CNKSR3: variants seen among roughly 807,000 people sequenced by gnomAD.
CNKSR3 encodes the protein connector enhancer of kinase suppressor of ras 3.
Under a neutral mutation model 67.7 loss-of-function variants are expected in CNKSR3, and 36 were observed. That is an observed-to-expected ratio of 0.53 (90% confidence interval 0.41 to 0.70). CNKSR3 has a LOEUF of 0.70. Ranked by LOEUF, CNKSR3 falls within the 30% of genes least tolerant of loss-of-function variation. The pLI is 0.00. For synonymous variants in CNKSR3, 281 were observed against 271.4 expected, an observed-to-expected ratio of 1.04 and a Z score of -0.35; for missense variants, 630 against 695.2, an observed-to-expected ratio of 0.91 and a Z score of 1.05.
rs1034836225 is a variant in CNKSR3 at position 154,449,880 on chromosome 6, T to C, written c.216+215A>G. On this transcript the variant is annotated intron_variant, in intron 2 of 12. Transcript: ENST00000607772. ...ATAAAACTTTATTTACAAAAATAGA[T>C]AGTGGGCCAGATTTAACTCGCAGGC... is the stretch of plus-strand genomic sequence containing the variant. Among the ~76,000 whole-genome samples the C allele has an allele frequency of 9.2e-5, 14 of 152,328 alleles. 1 individual carries two copies. Among genetic ancestry groups the C allele is most frequent in the Admixed American group, 2.6e-4 (4 of 15,304 alleles).
In CNKSR3 at chr6:154,406,388, C is replaced by A; in HGVS notation, c.1634G>T (p.Ser545Ile). 6.2e-7 allele frequency: 1 copy of A among 1,613,984 alleles called. No individual in the cohort carries two copies. Among genetic ancestry groups the A allele is most frequent in the Non-Finnish European group, 8.5e-7 (1 of 1,179,996 alleles). Residue 545 changes from serine (S) to isoleucine (I), a missense_variant, in exon 13 of 13, where the codon AGC becomes ATC. By Grantham distance (142) the Ser-to-Ile change is moderately radical. Transcript: ENST00000607772. Reference sequence around the variant, plus strand: ...CAACAGTTTGAGGCGCGTAAACCAGCTGACCAGGAGGGACGGTTCTGTGGA... The same window carrying A: ...CAACAGTTTGAGGCGCGTAAACCAGATGACCAGGAGGGACGGTTCTGTGGA... ...SSSTEPSLLV[S>I]WFTRLKLLTH
At chr6:154,451,032 C>T (rs184339789) in intron 1 of CNKSR3, among the ~76,000 whole-genome samples, 243 of 152,252 alleles carry the variant, frequency 1.6e-3, no homozygotes, top group African/African-American at 5.4e-3. Context: ...TTGTTTGTGT[C>T]GAATCTCTGT....
In CNKSR3 at chr6:154,403,842, A is replaced by G. The variant is rs1248679422; in HGVS notation, c.*2512T>C. On this transcript the variant is annotated 3_prime_UTR_variant, in exon 13 of 13. Coordinates refer to ENST00000607772, the MANE Select transcript of CNKSR3 (RefSeq NM_173515.4). ...GATGGCTGTTCAATTCACAAGTGGC[A>G]TTTTCCCCACAGAAAAAGAGCTCAC... The G allele has an allele frequency of 2.0e-5, 3 of 152,148 alleles. No individual in the cohort carries two copies. Among genetic ancestry groups the G allele is most frequent in the Admixed American group, 1.3e-4 (2 of 15,282 alleles). The allele number at this position is 152,148 out of a possible 1,614,324, so 9.4% of individuals were successfully genotyped here. A position where few individuals can be genotyped will look rare whatever the true frequency, so the allele number is the denominator to read the frequency against.
chr6:154,422,379 G>T, intron 9 of CNKSR3, 127 bp downstream of exon 9: 1 of 845,820 alleles, frequency 1.2e-6, no homozygotes, highest in Non-Finnish European at 1.9e-6. Flanking sequence ...ATAGGCAGGA[G>T]TATAGGATAA....
chr6:154,454,576 T>C (rs1379606981), intron 1 of CNKSR3, among the ~76,000 whole-genome samples: 2 of 152,104 alleles, frequency 1.3e-5, no homozygotes, highest in African/African-American at 2.4e-5. Context: ...CACTGCAGCA[T>C]AGCAGCACGA....
At chr6:154,415,227 C>CCTTTTTTTTTTTTTTTTTTTTTTTT (rs773533317) in intron 9 of CNKSR3, among the ~76,000 whole-genome samples, 1 of 112,766 alleles carries the variant, frequency 8.9e-6, no homozygotes, top group African/African-American at 3.7e-5. Flanking sequence ...ACTAGCTGCC[C>CCTTTTTTTTTTTTTTTTTTTTTTTT]ATTTTTTTTT....
At chr6:154,425,283 T>C (rs1785233977) in intron 7 of CNKSR3, among the ~76,000 whole-genome samples, 1 of 152,238 alleles carries the variant, frequency 6.6e-6, no homozygotes, top group African/African-American at 2.4e-5. Flanking sequence ...TCCCTGTCTC[T>C]AGATGTGTAA....
chr6:154,406,792 A>AC, intron 12 of CNKSR3, 140 bp from the exon 13 acceptor site: 1 of 705,542 alleles, frequency 1.4e-6, no homozygotes. Context: ...ACATGGTGAA[A>AC]CCCCGTCTCT....
rs1215588575 is a variant in CNKSR3 at position 154,398,803 on chromosome 6, G to A, written c.*7551C>T. ...TCAATATTGAAAGAATACTCTAGGCGGGGCGCAGTGGCTCACGCCTGTAAT... is the reference window on the plus strand; with the variant it reads ...TCAATATTGAAAGAATACTCTAGGCAGGGCGCAGTGGCTCACGCCTGTAAT... On this transcript the variant is annotated 3_prime_UTR_variant, in exon 13 of 13. Coordinates refer to ENST00000607772, the MANE Select transcript of CNKSR3 (RefSeq NM_173515.4). The A allele has an allele frequency of 1.3e-5, 2 of 152,158 alleles. No individual in the cohort carries two copies. Among genetic ancestry groups the A allele is most frequent in the East Asian group, 3.9e-4 (2 of 5,174 alleles). The allele number at this position is 152,158 out of a possible 1,614,324, so 9.4% of individuals were successfully genotyped here.
intron 2 of CNKSR3, among the ~76,000 whole-genome samples, chr6:154,447,183 A>G (rs1344528251): frequency 6.6e-6 from 1 of 152,178 alleles, no homozygotes; most frequent in Non-Finnish European, 1.5e-5. Context: ...CCTCTCGACC[A>G]GTACTGGCCA....
intron 1 of CNKSR3, among the ~76,000 whole-genome samples, chr6:154,482,692 T>C (rs1269878521): frequency 6.6e-6 from 1 of 152,170 alleles, no homozygotes; most frequent in Non-Finnish European, 1.5e-5. Flanking sequence ...GACCCCCAAC[T>C]CTGGGAAAGG....
intron 1 of CNKSR3, among the ~76,000 whole-genome samples, chr6:154,482,548 T>A (rs186338362): frequency 1.9e-3 from 291 of 152,306 alleles, no homozygotes; most frequent in Non-Finnish European, 3.8e-3. Flanking sequence ...TGCAGAGAAA[T>A]CGTTAAGACA....
chr6:154,442,119 C>T lies in CNKSR3; in HGVS notation c.388G>A (p.Ala130Thr), dbSNP rs1227147374. Residue 130 changes from alanine to threonine, a missense_variant, in exon 3 of 13, where the codon GCC becomes ACC. Physicochemically the swap from Ala to Thr is moderately conservative, Grantham distance 58 (BLOSUM62 0). Coordinates refer to ENST00000607772, the MANE Select transcript of CNKSR3 (RefSeq NM_173515.4). ...FLTSVVELIG[A>T]AKALLAWLDR... ...AGCCACGCCAGCAGGGCCTTGGCGG[C>T]GCCGATGAGCTCCACCACCGAGGTC... The T allele has an allele frequency of 2.5e-6, 4 of 1,611,306 alleles. No homozygotes were observed. Among genetic ancestry groups the T allele is most frequent in the South Asian group, 2.2e-5 (2 of 90,926 alleles).
rs1784652751 is a variant in CNKSR3 at position 154,395,554 on chromosome 6, A to AT, written c.*10799dup. 6.6e-6 allele frequency: 1 copy of AT among 152,224 alleles called. No individual in the cohort carries two copies. The highest frequency in any genetic ancestry group is 2.4e-5 in the African/African-American group (1 of 41,460). The allele number at this position is 152,224 out of a possible 1,614,324, so 9.4% of individuals were successfully genotyped here. On this transcript the variant is annotated 3_prime_UTR_variant, in exon 13 of 13. Coordinates refer to ENST00000607772, the MANE Select transcript of CNKSR3 (RefSeq NM_173515.4). ...AACATCACAGACTCAGATGAGCCCTATGTAGCAATATGCAAAGGACATTAC... is the reference window on the plus strand; with the variant it reads ...AACATCACAGACTCAGATGAGCCCTATTGTAGCAATATGCAAAGGACATTAC...
At chr6:154,418,227 T>C (rs2128713022) in intron 9 of CNKSR3, among the ~76,000 whole-genome samples, 1 of 152,352 alleles carries the variant, frequency 6.6e-6, no homozygotes, top group Non-Finnish European at 1.5e-5. Flanking sequence ...TCCTGCATAG[T>C]AGGTCAAGGC....
chr6:154,499,433 T>A (rs1786939194), intron 1 of CNKSR3, among the ~76,000 whole-genome samples: 1 of 152,174 alleles, frequency 6.6e-6, no homozygotes, highest in African/African-American at 2.4e-5. Flanking sequence ...ATTCTGCAGG[T>A]CTGGGGTGAG....
At chr6:154,490,074 C>G (rs1401532349) in intron 1 of CNKSR3, among the ~76,000 whole-genome samples, 1 of 152,144 alleles carries the variant, frequency 6.6e-6, no homozygotes, top group Non-Finnish European at 1.5e-5. Context: ...TAGCTCAGGT[C>G]AATGTGTTAG....
At chr6:154,490,851 ATT>A (rs532338996) in intron 1 of CNKSR3, among the ~76,000 whole-genome samples, 3 of 147,514 alleles carry the variant, frequency 2.0e-5, no homozygotes, top group African/African-American at 7.4e-5. Flanking sequence ...TTTTATTTAA[ATT>A]TTTTTTTTTT....
chr6:154,468,538 G>A (rs551506123), intron 1 of CNKSR3, among the ~76,000 whole-genome samples: 17 of 151,682 alleles, frequency 1.1e-4, no homozygotes, highest in African/African-American at 3.4e-4. Flanking sequence ...TGAAATTACC[G>A]ACTCTATTAG....
Sources: allele counts gnomAD v4.1 joint callset (sites outside exome capture counted in the v4.1 genomes callset), GRCh38; gene constraint gnomAD v4.1.1; transcripts MANE v1.5; gene names NCBI Gene and HGNC (gene_info 2026-07-23, HGNC 2026-07-21).